The following RALGPS1 variants were observed in gnomAD, a reference collection of about 807,000 sequenced individuals.
RALGPS1 encodes the protein ras-specific guanine nucleotide-releasing factor RalGPS1.
RALGPS1 carries 19 observed loss-of-function variants against 78.8 expected under a neutral mutation model. The ratio of observed to expected loss-of-function variants is 0.24; its 90% CI spans 0.17 to 0.35. The LOEUF is 0.35. Among genes scored for constraint, RALGPS1 ranks in the 10% least tolerant of loss-of-function variants. RALGPS1 has a pLI of 1.00. For missense variants in RALGPS1, 454 were observed against 688.3 expected (o/e 0.66, Z 3.81); for synonymous variants, 228 against 256.3 (o/e 0.89, Z 1.06).
chr9:127,028,977 C>G (rs554289069), intron 4 of RALGPS1, among the ~76,000 whole-genome samples: 2 of 152,126 alleles, frequency 1.3e-5, no homozygotes, highest in Admixed American at 6.5e-5. Flanking sequence ...CTGCCAGATC[C>G]CAGGTGGGTA....
intron 4 of RALGPS1, among the ~76,000 whole-genome samples, chr9:127,031,797 G>A (rs2046451946): frequency 6.6e-6 from 1 of 152,182 alleles, no homozygotes; most frequent in African/African-American, 2.4e-5. Context: ...ATGCATTCTA[G>A]TGCGAAAGAT....
intron 3 of RALGPS1, among the ~76,000 whole-genome samples, chr9:126,968,222 C>G (rs892837724): frequency 6.6e-6 from 1 of 152,096 alleles, no homozygotes; most frequent in Non-Finnish European, 1.5e-5. Flanking sequence ...AGGATGGTCT[C>G]AATCTCCTGA....
At chr9:127,020,573 T>A (rs1343603562) in intron 4 of RALGPS1, among the ~76,000 whole-genome samples, 4 of 152,248 alleles carry the variant, frequency 2.6e-5, no homozygotes, top group Non-Finnish European at 5.9e-5. Context: ...CTAGGAGATG[T>A]CATGTGTGTA....
chr9:126,979,439 T>C (rs993917984), intron 4 of RALGPS1, among the ~76,000 whole-genome samples: 1 of 152,216 alleles, frequency 6.6e-6, no homozygotes, highest in South Asian at 2.1e-4. Context: ...TTTGGTAGAA[T>C]AGGTGTGTGA....
intron 8 of RALGPS1, among the ~76,000 whole-genome samples, chr9:127,106,583 C>T (rs1264780197): frequency 6.6e-6 from 1 of 152,190 alleles, no homozygotes; most frequent in Non-Finnish European, 1.5e-5. Flanking sequence ...TGTCCCAGAG[C>T]TAATCAGTGG....
At chr9:127,193,959 G>A (rs2140495127) in intron 11 of RALGPS1, among the ~76,000 whole-genome samples, 1 of 152,312 alleles carries the variant, frequency 6.6e-6, no homozygotes. Flanking sequence ...TGCCACAGTG[G>A]CCAGGGTCAC....
chr9:126,966,843 GTCCCT>G lies in RALGPS1; in HGVS notation c.165+894_165+898del, dbSNP rs563441805. ...TTGCTCCCGGTCTAACTAAGGGACTGTCCCTTGTGGTGGAGCAGTGTTAGCTCCTT... is the reference window on the plus strand; with the variant it reads ...TTGCTCCCGGTCTAACTAAGGGACTGTGTGGTGGAGCAGTGTTAGCTCCTT... On this transcript the variant is annotated intron_variant, in intron 3 of 18. Transcript: ENST00000259351. 2.6e-5 allele frequency among the ~76,000 whole-genome samples: 4 copies of G among 152,264 alleles called. No homozygotes were observed. In the South Asian group the frequency reaches 8.3e-4, roughly 32 times the overall value.
intron 14 of RALGPS1, among the ~76,000 whole-genome samples, chr9:127,201,688 G>C (rs958439209): frequency 1.3e-5 from 2 of 152,000 alleles, no homozygotes; most frequent in African/African-American, 4.8e-5. Flanking sequence ...TCATGGGCCC[G>C]ATGCTTAGCT....
At chr9:126,946,244 T>C (rs2037254360) in intron 1 of RALGPS1, among the ~76,000 whole-genome samples, 1 of 152,156 alleles carries the variant, frequency 6.6e-6, no homozygotes, top group Non-Finnish European at 1.5e-5. Context: ...CCCTGGATCC[T>C]GATTAAGATT....
intron 8 of RALGPS1, among the ~76,000 whole-genome samples, chr9:127,129,498 C>G (rs1052086218): frequency 6.6e-6 from 1 of 152,190 alleles, no homozygotes; most frequent in Admixed American, 6.5e-5. Context: ...ATTCCAAAGA[C>G]CAGCCAAGCT....
chr9:127,028,434 A>G (rs924107748), intron 4 of RALGPS1, among the ~76,000 whole-genome samples: 2 of 152,274 alleles, frequency 1.3e-5, no homozygotes, highest in African/African-American at 4.8e-5. Context: ...TTCTGTGAGG[A>G]TAAAATGAGA....
chr9:126,974,034 G>A (rs935480542), intron 3 of RALGPS1, among the ~76,000 whole-genome samples: 6 of 151,846 alleles, frequency 4.0e-5, no homozygotes, highest in African/African-American at 1.5e-4. Flanking sequence ...CACCACACCC[G>A]GCTAATTTTT....
chr9:127,184,451 C>A, intron 11 of RALGPS1: 1 of 215,102 alleles, frequency 4.6e-6, no homozygotes, highest in South Asian at 6.5e-5. Context: ...GTGACCAGCT[C>A]CCAGGCTCCA....
intron 1 of RALGPS1, among the ~76,000 whole-genome samples, chr9:126,920,557 A>G (rs1052714645): frequency 6.6e-6 from 1 of 152,184 alleles, no homozygotes; most frequent in African/African-American, 2.4e-5. Flanking sequence ...GGTGCAGGCC[A>G]AAGGAGCTGA....
Position 127,084,033 on chromosome 9 carries a change from C to T in RALGPS1, c.610+14677C>T, listed in dbSNP as rs192242242. Among the ~76,000 whole-genome samples the T allele has an allele frequency of 5.6e-3, 854 of 152,198 alleles. 2 individuals carry two copies. The highest frequency in any genetic ancestry group is 8.3e-3 in the Non-Finnish European group (564 of 67,998). On this transcript the variant is annotated intron_variant, in intron 8 of 18. Coordinates refer to ENST00000259351, the MANE Select transcript of RALGPS1 (RefSeq NM_014636.3). The stretch of plus-strand genomic sequence containing the variant: ...TGAAGTGAGCCTCCCACCTCAGCTT[C>T]CCGAGTAGCTAGGACCACAGGTACA...
intron 2 of RALGPS1, among the ~76,000 whole-genome samples, chr9:126,963,688 C>T (rs2039148665): frequency 6.6e-6 from 1 of 152,108 alleles, no homozygotes; most frequent in Non-Finnish European, 1.5e-5. Context: ...ATTATTTTAT[C>T]CCTAGTTTAT....
chr9:127,050,993 G>A (rs1229045028), intron 6 of RALGPS1, among the ~76,000 whole-genome samples: 2 of 152,224 alleles, frequency 1.3e-5, no homozygotes, highest in South Asian at 2.1e-4. Flanking sequence ...AACTTAGAGA[G>A]GTGAAGTGTC....
chr9:127,095,291 G>A (rs566794049), intron 8 of RALGPS1, among the ~76,000 whole-genome samples: 5 of 152,200 alleles, frequency 3.3e-5, no homozygotes, highest in East Asian at 1.9e-4. Context: ...CCAGCTACCC[G>A]GGAGGGTGAG....
intron 14 of RALGPS1, among the ~76,000 whole-genome samples, chr9:127,208,218 G>A (rs1055685669): frequency 1.3e-5 from 2 of 152,240 alleles, no homozygotes; most frequent in Non-Finnish European, 2.9e-5. Flanking sequence ...CCTATTCTGG[G>A]AGATCCCCAA....
Sources: gnomAD v4.1 joint callset for allele counts (sites outside exome capture counted in the v4.1 genomes callset) on GRCh38, gnomAD v4.1.1 for gene constraint, MANE v1.5 for transcripts, NCBI Gene and HGNC (gene_info 2026-07-23, HGNC 2026-07-21) for gene names.